CTNNA2: variants seen among roughly 807,000 people sequenced by gnomAD.
The protein encoded by CTNNA2 is catenin alpha-2.
A neutral mutation model predicts 101.0 loss-of-function variants in CTNNA2; 42 were observed. The ratio of observed to expected loss-of-function variants is 0.42; its 90% CI spans 0.32 to 0.54. CTNNA2 has a LOEUF of 0.54. Among genes scored for constraint, CTNNA2 ranks in the 20% least tolerant of loss-of-function variants. The pLI is 0.14. For synonymous variants in CTNNA2, 450 were observed against 456.4 expected, an observed-to-expected ratio of 0.99 and a Z score of 0.18; for missense variants, 871 against 1,223.1, an observed-to-expected ratio of 0.71 and a Z score of 4.29.
At chr2:79,591,333 G>A (rs532766043) in intron 1 of CTNNA2, among the ~76,000 whole-genome samples, 127 of 152,248 alleles carry the variant, frequency 8.3e-4, no homozygotes, top group South Asian at 6.8e-3. Context: ...ATGTTATCCT[G>A]TGGCATTTTA....
intron 4 of CTNNA2, among the ~76,000 whole-genome samples, chr2:79,859,177 C>G (rs1681387310): frequency 6.6e-6 from 1 of 151,980 alleles, no homozygotes; most frequent in South Asian, 2.1e-4. Context: ...CAATTGCTCG[C>G]TTGGTTACCC....
chr2:79,316,744 T>G (rs1468891085), intron 3 of CTNNA2, among the ~76,000 whole-genome samples: 4 of 151,938 alleles, frequency 2.6e-5, no homozygotes, highest in Admixed American at 2.6e-4. Flanking sequence ...GAAATACAAC[T>G]GATATTTGTA....
chr2:80,468,795 T>G (rs1188909733), intron 9 of CTNNA2, among the ~76,000 whole-genome samples: 1 of 152,206 alleles, frequency 6.6e-6, no homozygotes, highest in South Asian at 2.1e-4. Context: ...GATTATCAAG[T>G]GCCTAACACA....
intron 8 of CTNNA2, among the ~76,000 whole-genome samples, chr2:80,415,325 G>C (rs915142491): frequency 6.6e-6 from 1 of 152,018 alleles, no homozygotes; most frequent in Non-Finnish European, 1.5e-5. Flanking sequence ...TTGCTACCTG[G>C]CATGACAAGA....
intron 3 of CTNNA2, among the ~76,000 whole-genome samples, chr2:79,757,536 A>T (rs1672479535): frequency 2.0e-5 from 3 of 152,236 alleles, no homozygotes; most frequent in Admixed American, 2.0e-4. Context: ...GCATGCAAGG[A>T]TATACAAAAT....
chr2:79,511,211 G>A (rs546777169), upstream of CTNNA2, among the ~76,000 whole-genome samples: 11 of 152,140 alleles, frequency 7.2e-5, no homozygotes, highest in African/African-American at 2.7e-4. Flanking sequence ...TCTGCCTCTG[G>A]AATGACACTG....
chr2:79,210,405 TTTTC>T (rs1486629764), intron 2 of CTNNA2, among the ~76,000 whole-genome samples: 1 of 152,124 alleles, frequency 6.6e-6, no homozygotes, highest in Non-Finnish European at 1.5e-5. Flanking sequence ...AGTTCATTTT[TTTTC>T]TTTCTACCTG....
intron 7 of CTNNA2, among the ~76,000 whole-genome samples, chr2:80,168,078 G>A (rs962325482): frequency 7.9e-5 from 12 of 152,140 alleles, no homozygotes; most frequent in Non-Finnish European, 1.3e-4. Context: ...GGGAATGGCT[G>A]TACGTTTGTT....
rs390979 is a variant in CTNNA2 at position 80,233,888 on chromosome 2, G to T, written c.1057-159323G>T. Among the ~76,000 whole-genome samples the T allele has an allele frequency of 2.2e-3, 329 of 152,250 alleles. 1 individual carries two copies. Among genetic ancestry groups the T allele is most frequent in the Non-Finnish European group, 3.2e-3 (219 of 68,022 alleles). On this transcript the variant is annotated intron_variant, in intron 7 of 18. Coordinates refer to ENST00000402739, the MANE Select transcript of CTNNA2 (RefSeq NM_001282597.3). Reference sequence around the variant, plus strand: ...GGAAAGATTTCTCATAATATTAAGTGTTGTCCTTGTAGGAGGCTATATCTA... The same window carrying T: ...GGAAAGATTTCTCATAATATTAAGTTTTGTCCTTGTAGGAGGCTATATCTA...
intron 9 of CTNNA2, among the ~76,000 whole-genome samples, chr2:80,497,115 G>C (rs1687537722): frequency 1.3e-5 from 2 of 152,164 alleles, no homozygotes; most frequent in Admixed American, 1.3e-4. Context: ...AGATATCTGA[G>C]CATGTGCTTG....
chr2:79,885,652 A>G (rs1174320959), intron 6 of CTNNA2, among the ~76,000 whole-genome samples: 1 of 152,232 alleles, frequency 6.6e-6, no homozygotes, highest in Non-Finnish European at 1.5e-5. Context: ...ACAGACATCT[A>G]GCAACCCTCC....
intron 7 of CTNNA2, among the ~76,000 whole-genome samples, chr2:80,091,666 G>A (rs1158465985): frequency 6.6e-6 from 1 of 152,060 alleles, no homozygotes; most frequent in African/African-American, 2.4e-5. Flanking sequence ...AGAAGGAAAT[G>A]CCAGAAGAGC....
intron 3 of CTNNA2, among the ~76,000 whole-genome samples, chr2:79,751,593 CAAAAAAAAAAA>C (rs397985098): frequency 5.8e-5 from 4 of 68,942 alleles, no homozygotes; most frequent in Non-Finnish European, 5.8e-5. Context: ...GACTCCATCT[CAAAAAAAAAAA>C]AAAAAAAAAA....
chr2:80,458,858 T>C (rs903055509), intron 9 of CTNNA2, among the ~76,000 whole-genome samples: 4 of 152,188 alleles, frequency 2.6e-5, no homozygotes, highest in Non-Finnish European at 5.9e-5. Flanking sequence ...CTTTGATGTA[T>C]AGTCATGGGC....
intron 4 of CTNNA2, among the ~76,000 whole-genome samples, chr2:79,400,886 G>A: frequency 6.6e-6 from 1 of 151,932 alleles, no homozygotes; most frequent in East Asian, 1.9e-4. Context: ...ACCCTTGAAA[G>A]CAGCATGAGA....
intron 13 of CTNNA2, chr2:80,579,032 T>C (rs1695306918): frequency 6.6e-6 from 1 of 152,130 alleles, no homozygotes; most frequent in Non-Finnish European, 1.5e-5. Flanking sequence ...GGGCAGAAAG[T>C]GCATATAGCA....
chr2:80,034,750 C>A (rs1426060179), intron 7 of CTNNA2, among the ~76,000 whole-genome samples: 1 of 151,966 alleles, frequency 6.6e-6, no homozygotes, highest in Non-Finnish European at 1.5e-5. Context: ...GGCTGAAATC[C>A]ACAATTTGAT....
chr2:80,213,666 G>A (rs1478027081), intron 7 of CTNNA2, among the ~76,000 whole-genome samples: 1 of 152,204 alleles, frequency 6.6e-6, no homozygotes, highest in African/African-American at 2.4e-5. Context: ...AGTGTGGTGT[G>A]GTGCTGAAAA....
intron 7 of CTNNA2, among the ~76,000 whole-genome samples, chr2:80,160,215 C>A (rs1415049657): frequency 6.6e-6 from 1 of 152,198 alleles, no homozygotes; most frequent in Non-Finnish European, 1.5e-5. Flanking sequence ...TAAAATAAAT[C>A]TCAATATTGA....
Sources: allele counts gnomAD v4.1 joint callset (sites outside exome capture counted in the v4.1 genomes callset), GRCh38; gene constraint gnomAD v4.1.1; transcripts MANE v1.5; gene names NCBI Gene and HGNC (gene_info 2026-07-23, HGNC 2026-07-21).